Variants in LSAMP observed in about 807,000 individuals in gnomAD.
LSAMP encodes limbic system-associated membrane protein.
In LSAMP, 7 loss-of-function variants were observed where a neutral mutation model predicts 38.6. The observed-to-expected ratio is 0.18, with a 90% CI of 0.10 to 0.34. The LOEUF (loss-of-function observed/expected upper bound fraction) is 0.34. Among genes scored for constraint, LSAMP ranks in the 10% least tolerant of loss-of-function variants. The pLI, the probability that LSAMP is intolerant of heterozygous loss-of-function variation, is 1.00. For synonymous variants in LSAMP, 154 were observed against 166.8 expected (o/e 0.92, Z 0.59); for missense variants, 313 against 420.0 (o/e 0.75, Z 2.23).
At chr3:116,274,452 T>A (rs1443880326) in intron 1 of LSAMP, among the ~76,000 whole-genome samples, 4 of 152,208 alleles carry the variant, frequency 2.6e-5, no homozygotes, top group African/African-American at 9.7e-5. Flanking sequence ...TATTTTTCAT[T>A]CATTTTTTTC....
chr3:115,865,608 T>C (rs1467073808), intron 3 of LSAMP, among the ~76,000 whole-genome samples: 1 of 152,160 alleles, frequency 6.6e-6, no homozygotes, highest in Admixed American at 6.6e-5. Flanking sequence ...ACCACCTATA[T>C]AATAATCACA....
At chr3:115,827,435 A>C (rs548658407) in intron 6 of LSAMP, among the ~76,000 whole-genome samples, 1 of 150,508 alleles carries the variant, frequency 6.6e-6, no homozygotes, top group Non-Finnish European at 1.5e-5. Flanking sequence ...TCCGAGGTTT[A>C]GAAGGTGGGT....
chr3:115,828,413 T>C (rs1934497151), intron 6 of LSAMP, among the ~76,000 whole-genome samples: 1 of 152,192 alleles, frequency 6.6e-6, no homozygotes, highest in African/African-American at 2.4e-5. Flanking sequence ...CCATACAGTC[T>C]CTGAACCCAG....
At chr3:115,853,089 G>A (rs1033483197) in intron 3 of LSAMP, among the ~76,000 whole-genome samples, 4 of 152,200 alleles carry the variant, frequency 2.6e-5, no homozygotes, top group Admixed American at 2.6e-4. Context: ...GCTCTGAGGG[G>A]ATATAGCACC....
intron 1 of LSAMP, among the ~76,000 whole-genome samples, chr3:116,439,500 C>G (rs1220943891): frequency 6.6e-6 from 1 of 150,654 alleles, no homozygotes; most frequent in Non-Finnish European, 1.5e-5. Context: ...CTATAGCAAG[C>G]CCTCCACATA....
chr3:116,231,642 A>T (rs1193087515), intron 1 of LSAMP, among the ~76,000 whole-genome samples: 2 of 152,198 alleles, frequency 1.3e-5, no homozygotes, highest in Admixed American at 6.5e-5. Flanking sequence ...ATCACAGAGA[A>T]GTGGGCAATT....
At chr3:116,209,844 C>T (rs115066170) in intron 1 of LSAMP, among the ~76,000 whole-genome samples, 1,603 of 152,242 alleles carry the variant, frequency 0.011, 25 homozygotes, top group African/African-American at 0.036. Context: ...CTCCGCCACC[C>T]GGGTTGACGC....
chr3:115,887,918 A>G (rs955380386), intron 3 of LSAMP, among the ~76,000 whole-genome samples: 1 of 151,930 alleles, frequency 6.6e-6, no homozygotes, highest in Non-Finnish European at 1.5e-5. Flanking sequence ...GTATTTTAAC[A>G]TATTTTTACC....
intron 1 of LSAMP, among the ~76,000 whole-genome samples, chr3:116,428,342 C>T (rs1388581604): frequency 6.6e-6 from 1 of 152,074 alleles, no homozygotes; most frequent in Non-Finnish European, 1.5e-5. Context: ...CCTGTAGTCC[C>T]AGCTACTCAG....
intron 1 of LSAMP, among the ~76,000 whole-genome samples, chr3:116,134,939 C>G (rs1709215498): frequency 6.6e-6 from 1 of 152,092 alleles, no homozygotes; most frequent in South Asian, 2.1e-4. Flanking sequence ...TGAAATTTTG[C>G]TGGGCTCTCA....
At chr3:115,913,448 G>A (rs1559878491) in intron 3 of LSAMP, among the ~76,000 whole-genome samples, 1 of 152,182 alleles carries the variant, frequency 6.6e-6, no homozygotes, top group Non-Finnish European at 1.5e-5. Flanking sequence ...TTTATTGAAT[G>A]CACCACAGGG....
intron 1 of LSAMP, among the ~76,000 whole-genome samples, chr3:116,304,448 T>C (rs989384900): frequency 6.6e-6 from 1 of 152,048 alleles, no homozygotes; most frequent in African/African-American, 2.4e-5. Context: ...TGAAACAACA[T>C]GGTGGCTACG....
intron 1 of LSAMP, among the ~76,000 whole-genome samples, chr3:116,316,778 G>GAAAAAAAAAAAAAA (rs35294836): frequency 8.4e-6 from 1 of 119,006 alleles, no homozygotes; most frequent in African/African-American, 3.2e-5. Flanking sequence ...CTCAAAAAAA[G>GAAAAAAAAAAAAAA]AAAAAAAAAA....
Position 116,226,530 on chromosome 3 carries a change from C to T in LSAMP, c.156-139974G>A, listed in dbSNP as rs1214388020. Among the ~76,000 whole-genome samples, 3 of 152,226 alleles carry T rather than the reference C, an allele frequency of 2.0e-5. No individual in the cohort carries two copies. The East Asian group carries it at 5.8e-4, about 29-fold the overall frequency. Reference sequence around the variant, plus strand: ...GGCTTACAGACTTAACTGTTGATCACTGAAATAGCACTCAAGGCCCCAGGA... The same window carrying T: ...GGCTTACAGACTTAACTGTTGATCATTGAAATAGCACTCAAGGCCCCAGGA... On this transcript the variant is annotated intron_variant, in intron 1 of 6. Coordinates refer to ENST00000490035, the MANE Select transcript of LSAMP (RefSeq NM_002338.5).
chr3:116,300,348 A>G (rs2047389286), intron 1 of LSAMP, among the ~76,000 whole-genome samples: 1 of 152,208 alleles, frequency 6.6e-6, no homozygotes, highest in Non-Finnish European at 1.5e-5. Context: ...TACACAGAAC[A>G]CGAGAAACCA....
At chr3:115,997,871 ACAAT>A (rs1280121671) in intron 3 of LSAMP, among the ~76,000 whole-genome samples, 1 of 145,510 alleles carries the variant, frequency 6.9e-6, no homozygotes, top group African/African-American at 2.5e-5. Context: ...ATTAGAATAT[ACAAT>A]ATACATTATT....
At chr3:115,921,341 T>C (rs1937377450) in intron 3 of LSAMP, among the ~76,000 whole-genome samples, 1 of 152,050 alleles carries the variant, frequency 6.6e-6, no homozygotes, top group South Asian at 2.1e-4. Flanking sequence ...CTCATTTTCC[T>C]TTGTGTATCT....
intron 3 of LSAMP, among the ~76,000 whole-genome samples, chr3:115,998,913 A>T (rs976545921): frequency 2.6e-5 from 4 of 152,170 alleles, no homozygotes; most frequent in Non-Finnish European, 5.9e-5. Flanking sequence ...CTCAATTCTC[A>T]TAGGATGAGG....
intron 3 of LSAMP, among the ~76,000 whole-genome samples, chr3:115,879,718 T>C (rs1380876329): frequency 2.0e-5 from 3 of 152,124 alleles, no homozygotes; most frequent in African/African-American, 7.2e-5. Flanking sequence ...GCTAAGCCAA[T>C]GTGTAGATGA....
Sources: allele counts gnomAD v4.1 joint callset (sites outside exome capture counted in the v4.1 genomes callset), GRCh38; gene constraint gnomAD v4.1.1; transcripts MANE v1.5; gene names NCBI Gene and HGNC (gene_info 2026-07-23, HGNC 2026-07-21).